The following SORCS3 variants were observed in gnomAD, a reference collection of about 807,000 sequenced individuals.
SORCS3 encodes the protein sortilin related VPS10 domain containing receptor 3.
A neutral mutation model predicts 146.3 loss-of-function variants in SORCS3; 57 were observed. The observed-to-expected ratio is 0.39, with a 90% CI of 0.31 to 0.49. SORCS3 has a LOEUF of 0.49. Among genes scored for constraint, SORCS3 ranks in the 20% least tolerant of loss-of-function variants. SORCS3 has a pLI of 0.92. For synonymous variants in SORCS3, 653 were observed against 618.5 expected (o/e 1.06, Z -0.83); for missense variants, 1,341 against 1,575.5 (o/e 0.85, Z 2.52).
chr10:105,016,624 C>G (rs1057036040), intron 4 of SORCS3, among the ~76,000 whole-genome samples: 1 of 152,102 alleles, frequency 6.6e-6, no homozygotes, highest in African/African-American at 2.4e-5. Context: ...CTATTTCTTT[C>G]AAATGGTGAT....
Position 104,641,365 on chromosome 10 carries a change from C to CG in SORCS3, c.43dup (p.Ala15GlyfsTer86). The CG allele has an allele frequency of 7.1e-7, 1 of 1,411,782 alleles. No homozygotes were observed. The highest frequency in any genetic ancestry group is 1.5e-5 in the South Asian group (1 of 67,404). 87.5% of individuals were successfully genotyped at this position (1,411,782 alleles called of 1,614,324 possible). ...CGCACGGAGCGCCCCGCAGGCAGGCCGGGGGCGCCGCTTGTCCGGACGGGG... is the reference window on the plus strand; with the variant it reads ...CGCACGGAGCGCCCCGCAGGCAGGCCGGGGGGCGCCGCTTGTCCGGACGGGG... On this transcript the variant is annotated frameshift_variant, in exon 1 of 27. Transcript: ENST00000369701. LOFTEE classifies it high-confidence loss of function. The surrounding 1 kb of genome is among the most constrained non-coding windows in gnomAD (Gnocchi z 6.4).
intron 2 of SORCS3, among the ~76,000 whole-genome samples, chr10:104,856,492 A>T (rs1293834380): frequency 6.8e-6 from 1 of 147,328 alleles, no homozygotes; most frequent in Non-Finnish European, 1.5e-5. Flanking sequence ...AATTGATTAT[A>T]TTTATATTTA....
chr10:104,685,138 T>A (rs367625122), intron 1 of SORCS3, among the ~76,000 whole-genome samples: 69 of 152,114 alleles, frequency 4.5e-4, no homozygotes, highest in African/African-American at 1.6e-3. Flanking sequence ...CAATAGATAT[T>A]GATGTTGATG....
intron 2 of SORCS3, among the ~76,000 whole-genome samples, chr10:104,910,524 G>A (rs1050616881): frequency 6.6e-6 from 1 of 152,226 alleles, no homozygotes; most frequent in African/African-American, 2.4e-5. Context: ...CACTAGGTAT[G>A]TAACACGGAT....
At chr10:105,027,511 A>G (rs533432766) in intron 4 of SORCS3, among the ~76,000 whole-genome samples, 5 of 152,190 alleles carry the variant, frequency 3.3e-5, no homozygotes, top group African/African-American at 1.2e-4. Flanking sequence ...GCAATTCCCT[A>G]TTTATGACTT....
chr10:104,890,712 A>T (rs1358833706), intron 2 of SORCS3, among the ~76,000 whole-genome samples: 1 of 152,228 alleles, frequency 6.6e-6, no homozygotes, highest in Non-Finnish European at 1.5e-5. Flanking sequence ...GGTAATATTG[A>T]CATTTTTCAG....
intron 6 of SORCS3, among the ~76,000 whole-genome samples, chr10:105,100,492 T>C (rs1335231477): frequency 1.3e-5 from 2 of 152,236 alleles, no homozygotes; most frequent in East Asian, 3.8e-4. Context: ...TTTGCTTACA[T>C]AAAAGTCCAT....
chr10:105,204,020 C>A (rs921512821), intron 16 of SORCS3, among the ~76,000 whole-genome samples: 1 of 152,076 alleles, frequency 6.6e-6, no homozygotes, highest in Non-Finnish European at 1.5e-5. Context: ...CAAAGTATTT[C>A]TGAACCCTTC....
At chr10:104,982,705 G>A (rs2133655311) in intron 4 of SORCS3, among the ~76,000 whole-genome samples, 1 of 152,302 alleles carries the variant, frequency 6.6e-6, no homozygotes, top group Non-Finnish European at 1.5e-5. Flanking sequence ...TAGTACAATG[G>A]AGGTGTGCTA....
intron 5 of SORCS3, among the ~76,000 whole-genome samples, chr10:105,060,944 A>C (rs200819460): frequency 0.35 from 47,435 of 135,360 alleles, 9,213 homozygotes; most frequent in East Asian, 0.67. Context: ...TCTTAAAACA[A>C]AAAAAAAAAA....
intron 7 of SORCS3, among the ~76,000 whole-genome samples, chr10:105,117,896 G>C (rs2055904292): frequency 6.6e-6 from 1 of 152,152 alleles, no homozygotes; most frequent in Non-Finnish European, 1.5e-5. Context: ...CTTCTTTCTT[G>C]AAGCATTCTC....
chr10:104,933,308 T>C (rs1023250462), intron 3 of SORCS3, among the ~76,000 whole-genome samples: 8 of 106,086 alleles, frequency 7.5e-5, no homozygotes, highest in Admixed American at 5.3e-4. Flanking sequence ...CTCTGGCTAT[T>C]TTTTTTTTTT....
chr10:105,157,435 T>C lies in SORCS3; in HGVS notation c.1629+151T>C, dbSNP rs2056220979. ...ACTTGCAGGGCATTGGTGTGTGGAC[T>C]CAGAGTGCAGCACCAATTGGGTGAA... On this transcript the variant is annotated intron_variant, in intron 10 of 26. Coordinates refer to ENST00000369701, the MANE Select transcript of SORCS3 (RefSeq NM_014978.3). 6 of 855,544 alleles carry C rather than the reference T, an allele frequency of 7.0e-6. No individual in the cohort carries two copies. In the South Asian group the frequency reaches 9.2e-5, roughly 13 times the overall value. 53.0% of individuals were successfully genotyped at this position (855,544 alleles called of 1,614,324 possible). A position where few individuals can be genotyped will look rare whatever the true frequency, so the allele number is the denominator to read the frequency against.
At chr10:104,941,973 T>C (rs1186282221) in intron 3 of SORCS3, among the ~76,000 whole-genome samples, 1 of 152,240 alleles carries the variant, frequency 6.6e-6, no homozygotes, top group African/African-American at 2.4e-5. Flanking sequence ...AGACACAATT[T>C]AATGTCTTAA....
chr10:104,972,431 CTA>C (rs750614782), intron 3 of SORCS3, among the ~76,000 whole-genome samples: 3 of 151,998 alleles, frequency 2.0e-5, no homozygotes, highest in Admixed American at 2.0e-4. Context: ...ACCTTTGGGG[CTA>C]TATGTTTTGG....
In SORCS3 at chr10:105,170,068, G is replaced by A. The variant is rs376674838; in HGVS notation, c.1901+2719G>A. ...TTTCCTTGTGCTGAGGAAAGAAAGA[G>A]TTTATTTTTGTCATTTCCTTTTGGT... On this transcript the variant is annotated intron_variant, in intron 13 of 26. Transcript: ENST00000369701. Among the ~76,000 whole-genome samples the A allele has an allele frequency of 3.3e-5, 5 of 152,200 alleles. 1 individual carries two copies. The highest frequency in any genetic ancestry group is 2.0e-4 in the Admixed American group (3 of 15,278).
chr10:105,243,484 A>G (rs2056848523), intron 20 of SORCS3, among the ~76,000 whole-genome samples: 1 of 152,142 alleles, frequency 6.6e-6, no homozygotes, highest in African/African-American at 2.4e-5. Context: ...TCTCTTCTCC[A>G]AACAGGACCA....
At chr10:104,642,797 AC>A (rs1344148177) in intron 1 of SORCS3, among the ~76,000 whole-genome samples, 1 of 151,324 alleles carries the variant, frequency 6.6e-6, no homozygotes, top group African/African-American at 2.4e-5. Context: ...ACACCTCTCC[AC>A]CCGCTTTTCC....
At chr10:104,811,048 G>C (rs1266341751) in intron 1 of SORCS3, among the ~76,000 whole-genome samples, 2 of 152,036 alleles carry the variant, frequency 1.3e-5, no homozygotes, top group African/African-American at 4.8e-5. Context: ...ATTGCTTCAA[G>C]GAACTTAAAA....
Sources: allele counts gnomAD v4.1 joint callset (sites outside exome capture counted in the v4.1 genomes callset), GRCh38; gene constraint gnomAD v4.1.1; non-coding constraint Gnocchi (gnomAD v3.1); transcripts MANE v1.5; gene names NCBI Gene and HGNC (gene_info 2026-07-23, HGNC 2026-07-21).